Variants in ZNF710 observed in about 807,000 individuals in gnomAD.
ZNF710 encodes the protein zinc finger protein 710.
A neutral mutation model predicts 50.6 loss-of-function variants in ZNF710; 13 were observed. The ratio of observed to expected loss-of-function variants is 0.26; its 90% CI spans 0.17 to 0.41. The LOEUF is 0.41. Ranked by LOEUF, ZNF710 falls within the 10% of genes least tolerant of loss-of-function variation. ZNF710 has a pLI of 1.00. For synonymous variants in ZNF710, 383 were observed against 397.0 expected (o/e 0.96, Z 0.42); for missense variants, 721 against 936.6 (o/e 0.77, Z 3.01).
chr15:90,074,466 A>G, intron 4 of ZNF710, 176 bp downstream of exon 4: 1 of 1,531,858 alleles, frequency 6.5e-7, no homozygotes, highest in Non-Finnish European at 8.7e-7. Context: ...ACGATGGGAT[A>G]TTTATGTCTT....
chr15:90,068,705 C>T lies in ZNF710; in HGVS notation c.1458+110C>T, dbSNP rs1045948560. Reference sequence around the variant, plus strand: ...CATTTAGGTGGTCTCCTAGTTTTATCGTTACGTACTTATTTTGATGAGTAT... The same window carrying T: ...CATTTAGGTGGTCTCCTAGTTTTATTGTTACGTACTTATTTTGATGAGTAT... On this transcript the variant is annotated intron_variant, in intron 2 of 4. Coordinates refer to ENST00000268154, the MANE Select transcript of ZNF710 (RefSeq NM_198526.4). This position sits in a 1 kb window ranked among gnomAD's most constrained non-coding sequence, Gnocchi z 5.0. 31 of 1,213,780 alleles carry T rather than the reference C, an allele frequency of 2.6e-5. No homozygotes were observed. The East Asian group carries it at 2.6e-4, about 10-fold the overall frequency. 75.2% of individuals were successfully genotyped at this position (1,213,780 alleles called of 1,614,324 possible). A position where few individuals can be genotyped will look rare whatever the true frequency, so the allele number is the denominator to read the frequency against.
intron 4 of ZNF710, chr15:90,074,923 A>T (rs1001298161): frequency 2.3e-5 from 5 of 220,128 alleles, no homozygotes; most frequent in African/African-American, 4.8e-5. Flanking sequence ...CCTGCCAGAG[A>T]CTATAACCCA....
intron 1 of ZNF710, among the ~76,000 whole-genome samples, chr15:90,011,753 T>C (rs1024928732): frequency 3.9e-5 from 6 of 152,226 alleles, no homozygotes; most frequent in Non-Finnish European, 7.3e-5. Context: ...TATTCTTTTT[T>C]TTCTTCTTCT....
chr15:90,010,320 C>T (rs1170128080), intron 1 of ZNF710, among the ~76,000 whole-genome samples: 1 of 152,166 alleles, frequency 6.6e-6, no homozygotes, highest in African/African-American at 2.4e-5. Context: ...GACAGGGTCT[C>T]ACTCTGTCAC....
intron 1 of ZNF710, among the ~76,000 whole-genome samples, chr15:90,041,406 G>C (rs1596283089): frequency 6.6e-6 from 1 of 152,018 alleles, no homozygotes; most frequent in Non-Finnish European, 1.5e-5. Flanking sequence ...GCTTAGGCTG[G>C]TGTCAAACTC....
At chr15:90,058,717 A>ATG (rs956482233) in intron 1 of ZNF710, among the ~76,000 whole-genome samples, 1,741 of 148,134 alleles carry the variant, frequency 0.012, 77 homozygotes, top group African/African-American at 0.043. Context: ...ATATATATAT[A>ATG]TACACACATA....
chr15:90,025,764 T>C (rs1396086959), intron 1 of ZNF710: 1 of 152,252 alleles, frequency 6.6e-6, no homozygotes, highest in Non-Finnish European at 1.5e-5. Flanking sequence ...GGGAGTCCTT[T>C]GATCACCATG....
chr15:90,065,925 G>T (rs1278253309), intron 1 of ZNF710, among the ~76,000 whole-genome samples: 1 of 152,150 alleles, frequency 6.6e-6, no homozygotes, highest in Non-Finnish European at 1.5e-5. Flanking sequence ...AGAAAAAAAC[G>T]TTAGTTGAGA....
intron 1 of ZNF710, among the ~76,000 whole-genome samples, chr15:90,043,741 G>A (rs1200095445): frequency 3.3e-5 from 5 of 152,132 alleles, no homozygotes; most frequent in East Asian, 1.9e-4. Context: ...CTGCATTCAC[G>A]CTAGAACATT....
chr15:90,022,842 G>GT (rs1251428304), intron 1 of ZNF710, among the ~76,000 whole-genome samples: 1 of 152,190 alleles, frequency 6.6e-6, no homozygotes. Context: ...GTAACCCCAA[G>GT]TAAAATTTTT....
At chr15:90,017,340 G>A (rs943228734) in intron 1 of ZNF710, among the ~76,000 whole-genome samples, 7 of 152,178 alleles carry the variant, frequency 4.6e-5, no homozygotes, top group African/African-American at 1.7e-4. Flanking sequence ...GCTGTATGGA[G>A]AACAAAGCTG....
chr15:89,999,342 G>A (rs538858470), upstream of ZNF710, among the ~76,000 whole-genome samples: 35 of 152,250 alleles, frequency 2.3e-4, no homozygotes, highest in Non-Finnish European at 2.9e-4. Context: ...TCAGCAGCCA[G>A]CACCTTCGCC....
intron 4 of ZNF710, chr15:90,074,532 A>G: frequency 6.9e-7 from 1 of 1,455,418 alleles, no homozygotes; most frequent in Non-Finnish European, 9.1e-7. Context: ...CATAACTAAC[A>G]TTTATTGAGT....
chr15:90,035,666 T>A (rs1899100896), intron 1 of ZNF710, among the ~76,000 whole-genome samples: 1 of 152,224 alleles, frequency 6.6e-6, no homozygotes, highest in Admixed American at 6.5e-5. Context: ...ACCTGGTGGC[T>A]GAGTCAACAA....
intron 1 of ZNF710, among the ~76,000 whole-genome samples, chr15:90,014,417 C>G (rs1021673226): frequency 3.3e-5 from 5 of 151,308 alleles, no homozygotes; most frequent in Admixed American, 6.6e-5. Flanking sequence ...TGGTGTGTTC[C>G]TGTAATCCCA....
At chr15:90,049,265 A>G (rs1005067650) in intron 1 of ZNF710, among the ~76,000 whole-genome samples, 3 of 152,166 alleles carry the variant, frequency 2.0e-5, no homozygotes, top group Non-Finnish European at 4.4e-5. Flanking sequence ...GCCCTGAGAG[A>G]TGAAGCAACT....
At chr15:90,030,454 G>A (rs574002160) in intron 1 of ZNF710, among the ~76,000 whole-genome samples, 108 of 151,568 alleles carry the variant, frequency 7.1e-4, no homozygotes, top group Non-Finnish European at 1.3e-3. Flanking sequence ...CCAAGAACTT[G>A]ACTTTCAGCA....
chr15:90,054,708 AGCTGAAGTTTTGTCT>A (rs1362268834), intron 1 of ZNF710, among the ~76,000 whole-genome samples: 1 of 152,228 alleles, frequency 6.6e-6, no homozygotes, highest in African/African-American at 2.4e-5. Context: ...TGAACTTGTG[AGCTGAAGTTTTGTCT>A]GCTTTTCCCG....
chr15:90,010,928 G>GTTTTTT (rs11341248), intron 1 of ZNF710, among the ~76,000 whole-genome samples: 57 of 78,898 alleles, frequency 7.2e-4, no homozygotes, highest in East Asian at 1.6e-3. Flanking sequence ...TTGGTTTTTT[G>GTTTTTT]TTTTTTTTTT....
Sources: allele counts gnomAD v4.1 joint callset (sites outside exome capture counted in the v4.1 genomes callset), GRCh38; gene constraint gnomAD v4.1.1; non-coding constraint Gnocchi (gnomAD v3.1); transcripts MANE v1.5; gene names NCBI Gene and HGNC (gene_info 2026-07-23, HGNC 2026-07-21).